Variants in DCAF11 observed in about 807,000 individuals in gnomAD.
The protein encoded by DCAF11 is DDB1- and CUL4-associated factor 11.
DCAF11 carries 44 observed loss-of-function variants against 76.1 expected under a neutral mutation model. The observed-to-expected ratio is 0.58, with a 90% CI of 0.45 to 0.74. DCAF11 has a LOEUF of 0.74. Ranked by LOEUF, DCAF11 falls within the 30% of genes least tolerant of loss-of-function variation. The pLI, the probability that DCAF11 is intolerant of heterozygous loss-of-function variation, is 0.00. For synonymous variants in DCAF11, 258 were observed against 255.0 expected, an observed-to-expected ratio of 1.01 and a Z score of -0.11; for missense variants, 604 against 709.4, an observed-to-expected ratio of 0.85 and a Z score of 1.69.
In DCAF11 at chr14:24,118,023, C is replaced by G. The variant is rs377657161; in HGVS notation, c.477-32C>G. 96 of 1,419,874 alleles carry G rather than the reference C, an allele frequency of 6.8e-5. 1 individual carries two copies. The East Asian group carries it at 1.8e-3, about 27-fold the overall frequency. The allele number at this position is 1,419,874 out of a possible 1,614,324, so 88.0% of individuals were successfully genotyped here. ...TTGGGACACTCCTTATCCTGAGCAC[C>G]CCTCACCCTCACTTTCTCTCTCCTT... On this transcript the variant is annotated intron_variant, in intron 5 of 14. Transcript: ENST00000446197.
intron 12 of DCAF11, 159 bp from the exon 13 acceptor site, chr14:24,121,206 T>C: frequency 1.7e-6 from 2 of 1,146,502 alleles, no homozygotes; most frequent in Admixed American, 2.2e-5. Context: ...CAGGGCCATA[T>C]TGGAGACTGT....
chr14:24,119,028 A>G (rs1238949397), intron 8 of DCAF11, 117 bp from the exon 9 acceptor site: 1 of 1,343,454 alleles, frequency 7.4e-7, no homozygotes, highest in Non-Finnish European at 1.1e-6. Flanking sequence ...ATTATGGTGC[A>G]TGTTAGCCAG....
At chr14:24,119,454 G>T in intron 9 of DCAF11, 105 bp from the exon 10 acceptor site, 5 of 1,442,930 alleles carry the variant, frequency 3.5e-6, no homozygotes, top group Non-Finnish European at 4.9e-6. Flanking sequence ...AAGAGCAAAG[G>T]GCTTGACCCA....
chr14:24,118,210 C>A, intron 6 of DCAF11, 55 bp downstream of exon 6: 1 of 1,573,238 alleles, frequency 6.4e-7, no homozygotes, highest in Non-Finnish European at 8.7e-7. Context: ...GACATTCCCC[C>A]TGACTGAGGC....
In DCAF11 at chr14:24,123,065, T is replaced by G. The variant is rs2037721177; in HGVS notation, c.1494T>G (p.Ile498Met). The change falls in exon 14 of 15, where the codon ATT (isoleucine) becomes ATG (methionine). Residue 498 changes from isoleucine (I) to methionine (M), a missense_variant. Transcript: ENST00000446197. ...GTTGGCACCCCTTTGAAGAGAAGATTGTCAGCAGTTCGGTGAGGTTGCAAG... is the reference window on the plus strand; with the variant it reads ...GTTGGCACCCCTTTGAAGAGAAGATGGTCAGCAGTTCGGTGAGGTTGCAAG... ...DVSWHPFEEK[I>M]VSSSWDGNLR... 2 of 1,614,002 alleles carry G rather than the reference T, an allele frequency of 1.2e-6. No individual in the cohort carries two copies. The highest frequency in any genetic ancestry group is 1.7e-5 in the Admixed American group (1 of 60,004).
chr14:24,118,680 C>T, intron 7 of DCAF11, 70 bp from the exon 8 acceptor site: 1 of 1,602,128 alleles, frequency 6.2e-7, no homozygotes, highest in Non-Finnish European at 8.5e-7. Context: ...TGTTTGATCT[C>T]TTCCCTAGCT....
At chr14:24,118,295 A>G (rs2277479) in intron 6 of DCAF11, 93 bp from the exon 7 acceptor site, 42,713 of 1,594,764 alleles carry the variant, frequency 0.027, 1,601 homozygotes, top group East Asian at 0.19. Context: ...TGATAAAGGG[A>G]AGACTCCACA....
chr14:24,115,981 G>T (rs2037548232), intron 2 of DCAF11, among the ~76,000 whole-genome samples: 1 of 151,856 alleles, frequency 6.6e-6, no homozygotes, highest in Admixed American at 6.6e-5. Context: ...TGTTTGAGGG[G>T]CTATTCAAGG....
chr14:24,120,362 C>G (rs902061093), intron 11 of DCAF11, among the ~76,000 whole-genome samples: 31 of 152,210 alleles, frequency 2.0e-4, no homozygotes, highest in African/African-American at 7.2e-4. Flanking sequence ...CGAGACCATC[C>G]TGGCTAACAT....
intron 13 of DCAF11, 61 bp downstream of exon 13, chr14:24,121,578 A>G (rs2037691329): frequency 2.0e-5 from 31 of 1,564,662 alleles, no homozygotes; most frequent in Non-Finnish European, 2.6e-5. Context: ...TTGCCATTCC[A>G]CCTATAACGA....
At position 24,114,987 on chromosome 14, in the gene DCAF11, C is replaced by G. The variant is rs905453565; in HGVS notation, c.-520C>G. 3.4e-5 allele frequency: 34 copies of G among 985,818 alleles called. No homozygotes were observed. Among genetic ancestry groups the G allele is most frequent in the Non-Finnish European group, 4.0e-5 (33 of 829,968 alleles). 61.1% of individuals were successfully genotyped at this position (985,818 alleles called of 1,614,324 possible). On this transcript the variant is annotated 5_prime_UTR_variant, in exon 1 of 15. Coordinates refer to ENST00000446197, the MANE Select transcript of DCAF11 (RefSeq NM_025230.5). The stretch of plus-strand genomic sequence containing the variant: ...AGTGGGAGGTGCTTCTCGGCTTCCT[C>G]CCCCTCATGGCGTACACACCCCCGG...
At position 24,116,305 on chromosome 14, in the gene DCAF11, G is replaced by C. The variant is rs1048068953; in HGVS notation, c.155+556G>C. 1.1e-3 allele frequency among the ~76,000 whole-genome samples: 175 copies of C among 152,320 alleles called. 2 individuals are homozygous for C. Among genetic ancestry groups the C allele is most frequent in the South Asian group, 1.0e-3 (5 of 4,828 alleles). On this transcript the variant is annotated intron_variant, in intron 2 of 14. Coordinates refer to ENST00000446197, the MANE Select transcript of DCAF11 (RefSeq NM_025230.5). ...CTTATGGCTCTTTGAGGAGAAGATG[G>C]GTTTGGGGGTCCCTTCAGAATATTG...
In DCAF11 at chr14:24,121,503, C is replaced by T. The variant is rs2037690551; in HGVS notation, c.1385C>T (p.Thr462Ile). Reference protein sequence around the residue: ...GQQFIYSGCSTGKVVVYDLLS... With the variant: ...GQQFIYSGCSIGKVVVYDLLS... ...CAGTTCATCTACAGTGGCTGCTCCACTGGCAAAGTGGTTGGTAAGGATTGT... is the reference window on the plus strand; with the variant it reads ...CAGTTCATCTACAGTGGCTGCTCCATTGGCAAAGTGGTTGGTAAGGATTGT... Residue 462 changes from threonine (T) to isoleucine (I), a missense_variant, in exon 13 of 15, where the codon ACT (threonine) becomes ATT (isoleucine). By Grantham distance (89) the Thr-to-Ile change is moderately conservative. Transcript: ENST00000446197. 5.0e-6 allele frequency: 8 copies of T among 1,614,170 alleles called. No individual in the cohort carries two copies. Among genetic ancestry groups the T allele is most frequent in the Non-Finnish European group, 5.1e-6 (6 of 1,180,032 alleles).
intron 2 of DCAF11, 151 bp from the exon 3 acceptor site, chr14:24,116,766 T>C: frequency 5.5e-6 from 6 of 1,093,890 alleles, no homozygotes; most frequent in East Asian, 2.4e-5. Context: ...TACTGTGTTT[T>C]ATAGGAGACC....
At chr14:24,118,009 C>G (rs1397455125) in intron 5 of DCAF11, 46 bp from the exon 6 acceptor site, 1 of 1,371,640 alleles carries the variant, frequency 7.3e-7, no homozygotes, top group Admixed American at 1.9e-5. Context: ...TGGGACACTC[C>G]TTATCCTGAG....
At position 24,121,744 on chromosome 14, in the gene DCAF11, A is replaced by G. The variant is rs2037694789; in HGVS notation, c.1399+227A>G. The G allele has an allele frequency of 6.1e-6, 3 of 492,558 alleles. No individual in the cohort carries two copies. In the Admixed American group the frequency reaches 1.0e-4, roughly 17 times the overall value. The allele number at this position is 492,558 out of a possible 1,614,324, so 30.5% of individuals were successfully genotyped here. ...AGACAGTAAATATAATAGATTGCCA[A>G]AAATATAGTTGGTTCTGTTTTTCAG... On this transcript the variant is annotated intron_variant, in intron 13 of 14. Transcript: ENST00000446197.
At position 24,117,428 on chromosome 14, in the gene DCAF11, C is replaced by T; in HGVS notation, c.411+35C>T. On this transcript the variant is annotated intron_variant, in intron 4 of 14. Transcript: ENST00000446197. The surrounding 1 kb of genome is among the most constrained non-coding windows in gnomAD (Gnocchi z 4.3). ...TCCACCTCCCAGCCTGGCAGCAGGC[C>T]TGCCAAAGCAGCCAGAAGCTCTGCC... is the stretch of plus-strand genomic sequence containing the variant. 6.2e-7 allele frequency: 1 copy of T among 1,611,722 alleles called. No individual in the cohort carries two copies. Among genetic ancestry groups the T allele is most frequent in the Non-Finnish European group, 8.5e-7 (1 of 1,178,538 alleles).
In DCAF11 at chr14:24,120,895, A is replaced by G. The variant is rs2037678590; in HGVS notation, c.1150A>G (p.Ile384Val). The G allele has an allele frequency of 1.9e-6, 3 of 1,614,240 alleles. No individual in the cohort carries two copies. Among genetic ancestry groups the G allele is most frequent in the South Asian group, 2.2e-5 (2 of 91,084 alleles). Residue 384 changes from isoleucine to valine, a missense_variant, in exon 12 of 15, where the codon ATC becomes GTC. Ile to Val is a conservative substitution (Grantham distance 29). Coordinates refer to ENST00000446197, the MANE Select transcript of DCAF11 (RefSeq NM_025230.5). ...SKDQTIKLWD[I>V]RRFSSREGME... ...AGACCAGACCATCAAACTCTGGGAT[A>G]TCCGACGCTTTTCCAGCCGGGAAGG...
At chr14:24,122,900 C>T in intron 13 of DCAF11, 71 bp from the exon 14 acceptor site, 1 of 1,415,338 alleles carries the variant, frequency 7.1e-7, no homozygotes, top group Middle Eastern at 1.8e-4. Context: ...AGTGGTGCTA[C>T]TCATGGGGAG....
Sources: gnomAD v4.1 joint callset for allele counts (sites outside exome capture counted in the v4.1 genomes callset) on GRCh38, gnomAD v4.1.1 for gene constraint, Gnocchi (gnomAD v3.1) non-coding constraint, MANE v1.5 for transcripts, NCBI Gene and HGNC (gene_info 2026-07-23, HGNC 2026-07-21) for gene names.